Variants in TRPM7 observed in about 807,000 individuals in gnomAD.
The protein encoded by TRPM7 is LTRPC ion channel family member 7.
In TRPM7, 134 loss-of-function variants were observed where a neutral mutation model predicts 229.7. The observed-to-expected ratio is 0.58, with a 90% CI of 0.51 to 0.67. TRPM7 has a LOEUF of 0.67. Among genes scored for constraint, TRPM7 ranks in the 30% least tolerant of loss-of-function variants. TRPM7 has a pLI of 0.00. For missense variants in TRPM7, 1,901 were observed against 2,210.0 expected (o/e 0.86, Z 2.80); for synonymous variants, 699 against 715.2 (o/e 0.98, Z 0.36).
chr15:50,652,741 C>A (rs1044335354), intron 3 of TRPM7, among the ~76,000 whole-genome samples: 11 of 151,962 alleles, frequency 7.2e-5, no homozygotes, highest in African/African-American at 2.7e-4. Context: ...TAAAACCAGC[C>A]CGTAATTCCA....
chr15:50,578,459 T>C, intron 31 of TRPM7, 180 bp downstream of exon 31: 1 of 423,918 alleles, frequency 2.4e-6, no homozygotes, highest in East Asian at 3.6e-5. Context: ...CACAGGGTGA[T>C]TCGTGTGTTT....
In TRPM7 at chr15:50,679,219, T is replaced by G. The variant is rs114065897; in HGVS notation, c.3+7312A>C. ...GGTTGGTGGTATGGGCCTGTCATTT[T>G]AGGTACTTGGGAGGCTGAAGTGGCA... is the stretch of plus-strand genomic sequence containing the variant. On this transcript the variant is annotated intron_variant, in intron 1 of 38. Coordinates refer to ENST00000646667, the MANE Select transcript of TRPM7 (RefSeq NM_017672.6). 6.1e-3 allele frequency among the ~76,000 whole-genome samples: 819 copies of G among 134,794 alleles called. 61 individuals carry two copies. The highest frequency in any genetic ancestry group is 0.024 in the African/African-American group (787 of 33,080). 88.4% of individuals were successfully genotyped at this position (134,794 alleles called of 152,430 possible).
At position 50,593,753 on chromosome 15, in the gene TRPM7, T is replaced by A; in HGVS notation, c.3476-4A>T. The stretch of plus-strand genomic sequence containing the variant: ...TCTTCTTCTGTTAAGAAAAGTTCTA[T>A]GGGAGGAAAAGGAGAAGAAAATCAA... On this transcript the variant is annotated splice_polypyrimidine_tract_variant and splice_region_variant and intron_variant, in intron 24 of 38. Transcript: ENST00000646667. 6.2e-7 allele frequency: 1 copy of A among 1,601,354 alleles called. No individual in the cohort carries two copies. Among genetic ancestry groups the A allele is most frequent in the South Asian group, 1.1e-5 (1 of 87,336 alleles).
At chr15:50,645,798 G>C (rs956452636) in intron 4 of TRPM7, among the ~76,000 whole-genome samples, 3 of 152,060 alleles carry the variant, frequency 2.0e-5, no homozygotes, top group Admixed American at 2.0e-4. Flanking sequence ...AGGTTGATTT[G>C]GACATACTCT....
chr15:50,656,752 C>T (rs1052770282), intron 3 of TRPM7, among the ~76,000 whole-genome samples: 1 of 152,104 alleles, frequency 6.6e-6, no homozygotes, highest in African/African-American at 2.4e-5. Context: ...ACCTTCTCTT[C>T]TTCCTCTTAT....
chr15:50,575,535 G>A (rs189628648), intron 33 of TRPM7, among the ~76,000 whole-genome samples, 189 bp downstream of exon 33: 1 of 152,300 alleles, frequency 6.6e-6, no homozygotes, highest in Non-Finnish European at 1.5e-5. Flanking sequence ...CAGTAATGGA[G>A]AAACTCAATA....
chr15:50,612,169 C>T (rs370197773), intron 16 of TRPM7, among the ~76,000 whole-genome samples: 3 of 152,308 alleles, frequency 2.0e-5, no homozygotes, highest in South Asian at 2.1e-4. Flanking sequence ...CAGCTCACTG[C>T]AGCCTTAACC....
intron 25 of TRPM7, 146 bp downstream of exon 25, chr15:50,593,471 C>G: frequency 1.2e-6 from 1 of 838,642 alleles, no homozygotes; most frequent in Non-Finnish European, 1.8e-6. Context: ...ATTAATAGAA[C>G]TGAACGATCT....
chr15:50,600,543 C>T lies in TRPM7; in HGVS notation c.2989-1247G>A, dbSNP rs141492472. On this transcript the variant is annotated intron_variant, in intron 21 of 38. Coordinates refer to ENST00000646667, the MANE Select transcript of TRPM7 (RefSeq NM_017672.6). ...TAATCATCTAGCTGAGGAGAAAAGC[C>T]TCATGCAAAAGAGAATACATTTACA... 4.5e-3 allele frequency among the ~76,000 whole-genome samples: 677 copies of T among 152,012 alleles called. 6 individuals carry two copies. Among genetic ancestry groups the T allele is most frequent in the African/African-American group, 0.015 (635 of 41,472 alleles).
At chr15:50,604,644 T>C (rs901440838) in intron 21 of TRPM7, 5 of 341,696 alleles carry the variant, frequency 1.5e-5, no homozygotes, top group East Asian at 9.5e-5. Context: ...ACATAAACCA[T>C]AGATGGTATA....
At chr15:50,585,057 T>G (rs1163928269) in intron 28 of TRPM7, among the ~76,000 whole-genome samples, 1 of 139,776 alleles carries the variant, frequency 7.2e-6, no homozygotes, top group African/African-American at 2.7e-5. Flanking sequence ...TGTATTTTTT[T>G]TTTTTTTTTT....
chr15:50,634,000 A>G (rs2060811677), intron 8 of TRPM7, among the ~76,000 whole-genome samples: 1 of 152,248 alleles, frequency 6.6e-6, no homozygotes, highest in Non-Finnish European at 1.5e-5. Context: ...ACTGTATTCT[A>G]AAAACCACAA....
At chr15:50,567,124 C>T (rs529692102) in intron 38 of TRPM7, among the ~76,000 whole-genome samples, 16 of 151,820 alleles carry the variant, frequency 1.1e-4, no homozygotes, top group African/African-American at 3.9e-4. Context: ...ACAGTCCTAT[C>T]TCTATTAAAG....
chr15:50,635,898 G>C (rs965938814), intron 7 of TRPM7, among the ~76,000 whole-genome samples: 1 of 151,654 alleles, frequency 6.6e-6, no homozygotes, highest in Non-Finnish European at 1.5e-5. Flanking sequence ...AGAATCGCTT[G>C]AACCCAGGAG....
At chr15:50,659,930 G>C (rs2061684422) in intron 2 of TRPM7, among the ~76,000 whole-genome samples, 1 of 152,120 alleles carries the variant, frequency 6.6e-6, no homozygotes, top group Non-Finnish European at 1.5e-5. Flanking sequence ...CTCCCAAAGT[G>C]CTGGGATTAC....
At position 50,592,232 on chromosome 15, in the gene TRPM7, G is replaced by GT; in HGVS notation, c.4002dup (p.Pro1335ThrfsTer10). 2 of 1,614,154 alleles carry GT rather than the reference G, an allele frequency of 1.2e-6. No individual in the cohort carries two copies. Among genetic ancestry groups the GT allele is most frequent in the Non-Finnish European group, 1.7e-6 (2 of 1,180,024 alleles). ...AATTCTTTTCTCTGGGGTACTGCAG[G>GT]TAAGTCTTGACCAAATATATTACAC... On this transcript the variant is annotated frameshift_variant, in exon 26 of 39. Coordinates refer to ENST00000646667, the MANE Select transcript of TRPM7 (RefSeq NM_017672.6). LOFTEE classifies it high-confidence loss of function.
Position 50,619,728 on chromosome 15 carries a change from AAAAAATAATCTCTTACCT to A in TRPM7, c.1493_1494+16del, listed in dbSNP as rs752008786. On this transcript the variant is annotated splice_donor_variant and splice_donor_5th_base_variant and coding_sequence_variant and intron_variant, in exon 13 of 39. Coordinates refer to ENST00000646667, the MANE Select transcript of TRPM7 (RefSeq NM_017672.6). LOFTEE classifies it high-confidence loss of function. ...TTTTAAAATAACATTTTTCAAAAGC[AAAAAATAATCTCTTACCT>A]GTTTGACGTCTCGAACAAGATGAAA... 6.4e-7 allele frequency: 1 copy of A among 1,552,212 alleles called. No individual in the cohort carries two copies. The highest frequency in any genetic ancestry group is 1.4e-5 in the African/African-American group (1 of 71,562).
intron 36 of TRPM7, among the ~76,000 whole-genome samples, chr15:50,572,779 G>A (rs79251925): frequency 0.024 from 3,627 of 152,236 alleles, 134 homozygotes; most frequent in African/African-American, 0.082. Context: ...TTTCATTCTT[G>A]AGCTGAAACC....
rs1480955263 is a variant in TRPM7, at chr15:50,570,111, C to T, written c.5353G>A (p.Glu1785Lys). 1 of 1,610,560 alleles carries T rather than the reference C, an allele frequency of 6.2e-7. No individual in the cohort carries two copies. The highest frequency in any genetic ancestry group is 1.1e-5 in the South Asian group (1 of 90,288). ...LTDPSVIKAEEKRSCDMVFGP... is the reference protein window; with the variant it reads ...LTDPSVIKAEKKRSCDMVFGP... ...ATAGTTAAAACTTATTACCTCTTTT[C>T]TTCTGCTTTTATCACAGATGGGTCA... Residue 1785 changes from glutamate to lysine, a missense_variant, in exon 37 of 39, where the codon GAA (glutamate) becomes AAA (lysine). By Grantham distance (56) the Glu-to-Lys change is moderately conservative. Around this residue, in one of 8 missense-constraint regions of TRPM7, gnomAD observed 257 missense variants for 352.0 expected, o/e 0.73. Coordinates refer to ENST00000646667, the MANE Select transcript of TRPM7 (RefSeq NM_017672.6).
Sources: allele counts gnomAD v4.1 joint callset (sites outside exome capture counted in the v4.1 genomes callset), GRCh38; gene constraint gnomAD v4.1.1; regional missense constraint gnomAD v4.1.1; transcripts MANE v1.5; gene names NCBI Gene and HGNC (gene_info 2026-07-23, HGNC 2026-07-21).